PAX3: variants seen among roughly 807,000 people sequenced by gnomAD.
The protein encoded by PAX3 is paired box 3.
Under a neutral mutation model 51.6 loss-of-function variants are expected in PAX3, and 14 were observed. The ratio of observed to expected loss-of-function variants is 0.27; its 90% CI spans 0.18 to 0.42. PAX3 has a LOEUF of 0.42. Ranked by LOEUF, PAX3 falls within the 10% of genes least tolerant of loss-of-function variation. PAX3 has a pLI of 1.00. For missense variants in PAX3, 540 were observed against 642.8 expected, an observed-to-expected ratio of 0.84 and a Z score of 1.73; for synonymous variants, 280 against 253.4, an observed-to-expected ratio of 1.11 and a Z score of -1.00.
intron 4 of PAX3, among the ~76,000 whole-genome samples, chr2:222,277,710 C>T (rs989010108): frequency 5.3e-5 from 8 of 151,958 alleles, no homozygotes; most frequent in Non-Finnish European, 8.8e-5. Flanking sequence ...CTGAGGCAGG[C>T]GGATCACGAG....
At chr2:222,221,184 G>C in intron 6 of PAX3, 38 bp downstream of exon 6, 1 of 1,601,192 alleles carries the variant, frequency 6.2e-7, no homozygotes, top group Non-Finnish European at 8.6e-7. Flanking sequence ...AAATCGCCTG[G>C]AAGTTACTTT....
chr2:222,201,439 G>A lies in PAX3; in HGVS notation c.1424C>T (p.Ala475Val). The change falls in exon 9 of 9, where the codon GCC becomes GTC. Residue 475 changes from alanine (A) to valine (V), a missense_variant. Coordinates refer to ENST00000392070, the MANE Select transcript of PAX3 (RefSeq NM_181458.4). Reference sequence around the variant, plus strand: ...GATATCTGGCTTGAGATAATGAAAGGCACCTGTAAGGAAACACACGCAGCT... The same window carrying A: ...GATATCTGGCTTGAGATAATGAAAGACACCTGTAAGGAAACACACGCAGCT... Reference protein sequence around the residue: ...GYQYGQYGQSAFHYLKPDIA With the variant: ...GYQYGQYGQSVFHYLKPDIA 6.2e-7 allele frequency: 1 copy of A among 1,614,044 alleles called. No homozygotes were observed. The highest frequency in any genetic ancestry group is 8.5e-7 in the Non-Finnish European group (1 of 1,180,000).
At chr2:222,289,652 G>A (rs747030021) in intron 4 of PAX3, among the ~76,000 whole-genome samples, 9 of 152,126 alleles carry the variant, frequency 5.9e-5, no homozygotes, top group South Asian at 4.2e-4. Context: ...TTTCAATAAA[G>A]CTCTAGAAGG....
intron 4 of PAX3, among the ~76,000 whole-genome samples, chr2:222,257,910 G>A (rs1301817524): frequency 1.3e-5 from 2 of 152,192 alleles, no homozygotes; most frequent in Admixed American, 6.5e-5. Context: ...GAACATCCAG[G>A]CAGGGCACAG....
Position 222,232,534 on chromosome 2 carries a change from T to C in PAX3, c.587-251A>G, listed in dbSNP as rs10932947. On this transcript the variant is annotated intron_variant, in intron 4 of 8. Coordinates refer to ENST00000392070, the MANE Select transcript of PAX3 (RefSeq NM_181458.4). The stretch of plus-strand genomic sequence containing the variant: ...CATGCAGTCCTGCATCATTAAATAA[T>C]ATTTAATCTCTTCTCCTACTCTATC... Among the ~76,000 whole-genome samples the C allele has an allele frequency of 0.36, 54,024 of 152,054 alleles. 12,229 individuals carry two copies. The highest frequency in any genetic ancestry group is 0.51 in the Non-Finnish European group (34,545 of 67,958).
intron 4 of PAX3, among the ~76,000 whole-genome samples, chr2:222,247,805 G>A (rs774302950): frequency 7.9e-5 from 12 of 152,064 alleles, no homozygotes; most frequent in East Asian, 3.9e-4. Flanking sequence ...TTTTTTTAGC[G>A]TCTTAACCAT....
At chr2:222,247,619 T>TG (rs1441502199) in intron 4 of PAX3, among the ~76,000 whole-genome samples, 1 of 152,142 alleles carries the variant, frequency 6.6e-6, no homozygotes, top group Admixed American at 6.6e-5. Flanking sequence ...TTCTAAATTC[T>TG]GGCTTTTTTC....
chr2:222,279,958 C>T (rs1258332016), intron 4 of PAX3, among the ~76,000 whole-genome samples: 1 of 152,152 alleles, frequency 6.6e-6, no homozygotes, highest in Non-Finnish European at 1.5e-5. Context: ...CACCTGTAAT[C>T]CCAGCATTTT....
intron 4 of PAX3, among the ~76,000 whole-genome samples, chr2:222,273,545 A>G (rs575238110): frequency 1.3e-5 from 2 of 152,330 alleles, no homozygotes; most frequent in Admixed American, 6.5e-5. Flanking sequence ...AGATCATGCC[A>G]GTGGTTCCTG....
chr2:222,208,665 G>A (rs139472177), intron 7 of PAX3, among the ~76,000 whole-genome samples: 45 of 152,212 alleles, frequency 3.0e-4, no homozygotes, highest in African/African-American at 7.9e-4. Flanking sequence ...CCTCTAAAGC[G>A]CGTGTGCTCA....
chr2:222,282,569 C>T (rs1273557831), intron 4 of PAX3, among the ~76,000 whole-genome samples: 1 of 152,118 alleles, frequency 6.6e-6, no homozygotes, highest in Admixed American at 6.5e-5. Context: ...ACTAGTTCAA[C>T]CCTAATTTGG....
intron 4 of PAX3, among the ~76,000 whole-genome samples, chr2:222,277,662 G>C (rs571193271): frequency 6.6e-6 from 1 of 152,078 alleles, no homozygotes; most frequent in Non-Finnish European, 1.5e-5. Context: ...TTGGCCGGTC[G>C]CAGTGGCTCA....
intron 4 of PAX3, among the ~76,000 whole-genome samples, chr2:222,244,456 T>C (rs1416648846): frequency 6.6e-6 from 1 of 152,122 alleles, no homozygotes; most frequent in Non-Finnish European, 1.5e-5. Flanking sequence ...AAGGAGATAG[T>C]TTGCAAAACA....
chr2:222,202,239 G>T, intron 7 of PAX3, 49 bp from the exon 8 acceptor site: 2 of 1,311,290 alleles, frequency 1.5e-6, no homozygotes, highest in South Asian at 1.3e-5. Flanking sequence ...GAGAGATCCA[G>T]ATTGCAGCCT....
In PAX3 at chr2:222,256,353, G is replaced by C. The variant is rs45465704; in HGVS notation, c.587-24070C>G. Among the ~76,000 whole-genome samples the C allele has an allele frequency of 8.5e-5, 13 of 152,188 alleles. No individual in the cohort carries two copies. In the East Asian group the frequency reaches 2.5e-3, roughly 30 times the overall value. ...CTCACCATCCTCTGGACGACGCCTT[G>C]ATAGGAGCAGGACGTCCTCTCATCC... On this transcript the variant is annotated intron_variant, in intron 4 of 8. Transcript: ENST00000392070.
intron 4 of PAX3, among the ~76,000 whole-genome samples, chr2:222,247,872 A>C (rs548272646): frequency 1.8e-3 from 275 of 152,190 alleles, no homozygotes; most frequent in Non-Finnish European, 2.7e-3. Context: ...TTAAATTCTC[A>C]CTATATCTCA....
chr2:222,221,272 G>C lies in PAX3; in HGVS notation c.908C>G (p.Pro303Arg). 2 of 1,614,052 alleles carry C rather than the reference G, an allele frequency of 1.2e-6. No individual in the cohort carries two copies. The highest frequency in any genetic ancestry group is 1.7e-6 in the Non-Finnish European group (2 of 1,179,952). The change falls in exon 6 of 9, where the codon CCA becomes CGA. Residue 303 changes from proline (P) to arginine (R), a missense_variant. Physicochemically the swap from Pro to Arg is moderately radical, Grantham distance 103 (BLOSUM62 -2). This residue lies in a region of PAX3 where 427 missense variants were observed against 483.6 expected (regional missense o/e 0.88). Transcript: ENST00000392070. Reference sequence around the variant, plus strand: ...AGAGGTCTCCGACAGCTGGTACGTTGGCAAGGTCGGCATGGCAGTGGGAGG... The same window carrying C: ...AGAGGTCTCCGACAGCTGGTACGTTCGCAAGGTCGGCATGGCAGTGGGAGG... Reference protein sequence around the residue: ...GFPPTAMPTLPTYQLSETSYQ... With the variant: ...GFPPTAMPTLRTYQLSETSYQ...
chr2:222,252,461 G>A (rs979606940), intron 4 of PAX3, among the ~76,000 whole-genome samples: 1 of 152,166 alleles, frequency 6.6e-6, no homozygotes, highest in Non-Finnish European at 1.5e-5. Context: ...AGTCTGTAGT[G>A]AAGGTAGAAT....
At chr2:222,245,453 A>G (rs1211739821) in intron 4 of PAX3, among the ~76,000 whole-genome samples, 1 of 152,238 alleles carries the variant, frequency 6.6e-6, no homozygotes, top group African/African-American at 2.4e-5. Context: ...TCCACAACCA[A>G]TGTGAATAGG....
Sources: gnomAD v4.1 joint callset for allele counts (sites outside exome capture counted in the v4.1 genomes callset) on GRCh38, gnomAD v4.1.1 for gene constraint, gnomAD v4.1.1 regional missense constraint, MANE v1.5 for transcripts, NCBI Gene and HGNC (gene_info 2026-07-23, HGNC 2026-07-21) for gene names.